NLK: variants seen among roughly 807,000 people sequenced by gnomAD.
NLK encodes serine/threonine-protein kinase NLK.
In NLK, 11 loss-of-function variants were observed where a neutral mutation model predicts 59.0. That is an observed-to-expected ratio of 0.19 (90% CI 0.12 to 0.31). The LOEUF is 0.31. Among genes scored for constraint, NLK ranks in the 10% least tolerant of loss-of-function variants. NLK has a pLI of 1.00. For missense variants in NLK, 410 were observed against 661.1 expected, an observed-to-expected ratio of 0.62 and a Z score of 4.16; for synonymous variants, 235 against 235.9, an observed-to-expected ratio of 1.00 and a Z score of 0.03.
At chr17:28,153,295 A>G (rs1397718586) in intron 3 of NLK, among the ~76,000 whole-genome samples, 2 of 152,156 alleles carry the variant, frequency 1.3e-5, no homozygotes, top group African/African-American at 4.8e-5. Flanking sequence ...AAAAAGCTCA[A>G]GTTGACAACT....
At chr17:28,048,080 A>G (rs1909123835) in intron 1 of NLK, 1 of 397,048 alleles carries the variant, frequency 2.5e-6, no homozygotes, top group Non-Finnish European at 4.4e-6. Flanking sequence ...AAGCATCCGT[A>G]TGAAACTAGA....
At chr17:28,112,879 G>T (rs75030842) in intron 1 of NLK, among the ~76,000 whole-genome samples, 1 of 150,818 alleles carries the variant, frequency 6.6e-6, no homozygotes, top group African/African-American at 2.4e-5. Context: ...GGAAATGTTT[G>T]TTTTTTTTTA....
chr17:28,072,885 C>T (rs1214970067), intron 1 of NLK, among the ~76,000 whole-genome samples: 1 of 151,974 alleles, frequency 6.6e-6, no homozygotes, highest in Admixed American at 6.6e-5. Flanking sequence ...TCTGATAATA[C>T]TCTTATCTGC....
In NLK at chr17:28,179,835, C is replaced by T. The variant is rs141686448; in HGVS notation, c.1150-5344C>T. Among the ~76,000 whole-genome samples the T allele has an allele frequency of 4.2e-3, 623 of 148,680 alleles. 4 individuals are homozygous for T. The highest frequency in any genetic ancestry group is 0.014 in the African/African-American group (551 of 40,446). On this transcript the variant is annotated intron_variant, in intron 7 of 10. Transcript: ENST00000407008. ...GGTTATGATTACAGGCATGAGCCAC[C>T]GTGCCCAGTTCTAGGGCATATTTCT... is the stretch of plus-strand genomic sequence containing the variant.
chr17:28,058,475 G>A lies in NLK; in HGVS notation c.458+15144G>A, dbSNP rs1451514231. 3.3e-5 allele frequency among the ~76,000 whole-genome samples: 5 copies of A among 152,120 alleles called. No individual in the cohort carries two copies. In the East Asian group the frequency reaches 9.6e-4, roughly 29 times the overall value. ...AAGTGCTTATAACCACTTGTGACAT[G>A]TTCTCTACCCACCGATCCACTAAAA... On this transcript the variant is annotated intron_variant, in intron 1 of 10. Coordinates refer to ENST00000407008, the MANE Select transcript of NLK (RefSeq NM_016231.5).
chr17:28,187,064 G>T (rs971688926), intron 8 of NLK, among the ~76,000 whole-genome samples: 1 of 152,152 alleles, frequency 6.6e-6, no homozygotes, highest in Admixed American at 6.5e-5. Context: ...CTTTTATATG[G>T]TTAACAAAAC....
intron 3 of NLK, among the ~76,000 whole-genome samples, chr17:28,134,992 C>T (rs1004871792): frequency 2.0e-5 from 3 of 152,134 alleles, no homozygotes; most frequent in African/African-American, 7.2e-5. Flanking sequence ...AAGGAGAGAG[C>T]TGGTGGGAAT....
At chr17:28,205,110 CAAGCT>C in the NLK span, among the ~76,000 whole-genome samples, 2 of 152,188 alleles carry the variant, frequency 1.3e-5, no homozygotes, top group African/African-American at 4.8e-5. Flanking sequence ...ATTCAGAAAA[CAAGCT>C]AAGATAAGGG....
intron 3 of NLK, among the ~76,000 whole-genome samples, chr17:28,143,423 T>C (rs1907099641): frequency 6.6e-6 from 1 of 152,226 alleles, no homozygotes; most frequent in Non-Finnish European, 1.5e-5. Flanking sequence ...TATTGTAAGA[T>C]TTCTTTTTTT....
At chr17:28,118,515 T>C (rs1449028251) in intron 1 of NLK, among the ~76,000 whole-genome samples, 1 of 152,200 alleles carries the variant, frequency 6.6e-6, no homozygotes, top group Non-Finnish European at 1.5e-5. Context: ...ATGTTTTAAG[T>C]GACATTTTAG....
intron 1 of NLK, among the ~76,000 whole-genome samples, chr17:28,100,024 G>A (rs1904852823): frequency 1.3e-5 from 2 of 152,150 alleles, no homozygotes; most frequent in African/African-American, 4.8e-5. Flanking sequence ...CATCTGGATT[G>A]TGCCAAAGTT....
In NLK at chr17:28,146,609, C is replaced by T. The variant is rs566173556; in HGVS notation, c.644+13934C>T. Among the ~76,000 whole-genome samples the T allele has an allele frequency of 6.6e-4, 100 of 152,184 alleles. 1 individual carries two copies. The highest frequency in any genetic ancestry group is 1.2e-3 in the Non-Finnish European group (79 of 68,024). On this transcript the variant is annotated intron_variant, in intron 3 of 10. Transcript: ENST00000407008. ...TAAGTGGCAGAGTCAAGATTCTAAC[C>T]TTGGTCATTTTGATTCCAAAGCCTA...
intron 9 of NLK, among the ~76,000 whole-genome samples, chr17:28,191,451 T>C (rs1030333217): frequency 2.0e-5 from 3 of 151,996 alleles, no homozygotes; most frequent in African/African-American, 7.2e-5. Flanking sequence ...GTTTATTTAG[T>C]GAGTATGACT....
chr17:28,111,398 AGGCT>A (rs1905472065), intron 1 of NLK, among the ~76,000 whole-genome samples: 1 of 151,596 alleles, frequency 6.6e-6, no homozygotes, highest in Non-Finnish European at 1.5e-5. Context: ...CATGTTGGCC[AGGCT>A]GACCTCAGGA....
intron 1 of NLK, among the ~76,000 whole-genome samples, chr17:28,084,656 C>T (rs974731782): frequency 2.0e-5 from 3 of 152,242 alleles, no homozygotes. Flanking sequence ...CTCCACCTCC[C>T]AGGTTCAAGT....
intron 6 of NLK, among the ~76,000 whole-genome samples, chr17:28,170,218 C>G (rs1386252727): frequency 6.6e-6 from 1 of 152,176 alleles, no homozygotes. Flanking sequence ...TGAGAAAGAA[C>G]CTGGCCATGG....
chr17:28,051,957 C>T (rs1909271189), intron 1 of NLK, among the ~76,000 whole-genome samples: 1 of 151,970 alleles, frequency 6.6e-6, no homozygotes, highest in Non-Finnish European at 1.5e-5. Flanking sequence ...TCACCCTGTT[C>T]CAGAGTGGTG....
chr17:28,095,480 G>A (rs1904668475), intron 1 of NLK, among the ~76,000 whole-genome samples: 1 of 152,154 alleles, frequency 6.6e-6, no homozygotes, highest in South Asian at 2.1e-4. Context: ...CAGAGCTTGT[G>A]GGAAAAGATG....
chr17:28,110,142 G>T (rs184698027), intron 1 of NLK, among the ~76,000 whole-genome samples: 1 of 151,916 alleles, frequency 6.6e-6, no homozygotes, highest in African/African-American at 2.4e-5. Context: ...AATTTATTCC[G>T]TAAGTATTTT....
Sources: gnomAD v4.1 joint callset for allele counts (sites outside exome capture counted in the v4.1 genomes callset) on GRCh38, gnomAD v4.1.1 for gene constraint, MANE v1.5 for transcripts, NCBI Gene and HGNC (gene_info 2026-07-23, HGNC 2026-07-21) for gene names.